The following ANAPC5 variants were observed in gnomAD, a reference collection of about 807,000 sequenced individuals.
ANAPC5 encodes anaphase promoting complex subunit 5, also known as anaphase-promoting complex subunit 5.
Under a neutral mutation model 91.3 loss-of-function variants are expected in ANAPC5, and 60 were observed. That is an observed-to-expected ratio of 0.66 (90% CI 0.53 to 0.81). The LOEUF (loss-of-function observed/expected upper bound fraction) is 0.81. ANAPC5 is among the 40% of genes least tolerant of loss of function. The pLI is 0.00. For synonymous variants in ANAPC5, 340 were observed against 364.1 expected (o/e 0.93, Z 0.75); for missense variants, 690 against 931.5 (o/e 0.74, Z 3.37).
In ANAPC5 at chr12:121,308,602, A is replaced by G. The variant is rs551450270; in HGVS notation, c.2146T>C (p.Phe716Leu). Residue 716 changes from phenylalanine (F) to leucine (L), a missense_variant, in exon 17 of 17, where the codon TTC becomes CTC. By Grantham distance (22) the Phe-to-Leu change is conservative (BLOSUM62 0). Around this residue, in one of 5 missense-constraint regions of ANAPC5, gnomAD observed 317 missense variants for 438.7 expected, o/e 0.72. Coordinates refer to ENST00000261819, the MANE Select transcript of ANAPC5 (RefSeq NM_016237.5). ...CKERIRDVVY[F>L]QARLYHTLGK... is the part of the protein sequence containing the mutation. Reference sequence around the variant, plus strand: ...AGGGTATGGTAGAGTCTGGCCTGGAAGTAAACGACGTCCCTGATGCGCTCT... The same window carrying G: ...AGGGTATGGTAGAGTCTGGCCTGGAGGTAAACGACGTCCCTGATGCGCTCT... 1.9e-6 allele frequency: 3 copies of G among 1,614,054 alleles called. No individual in the cohort carries two copies. Among genetic ancestry groups the G allele is most frequent in the Non-Finnish European group, 2.5e-6 (3 of 1,180,046 alleles).
At chr12:121,318,692 A>G in intron 13 of ANAPC5, 84 bp from the exon 14 acceptor site, 2 of 1,224,482 alleles carry the variant, frequency 1.6e-6, no homozygotes, top group Non-Finnish European at 1.2e-6. Context: ...TGCGCTATAA[A>G]CCTCCCAAGG....
chr12:121,344,842 T>C (rs989047869), intron 4 of ANAPC5, among the ~76,000 whole-genome samples: 1 of 152,158 alleles, frequency 6.6e-6, no homozygotes, highest in Non-Finnish European at 1.5e-5. Flanking sequence ...GGGAAGTTCA[T>C]TGGGCCAGGT....
chr12:121,334,315 A>G (rs1460234872), intron 7 of ANAPC5: 1 of 152,246 alleles, frequency 6.6e-6, no homozygotes, highest in Non-Finnish European at 1.5e-5. Flanking sequence ...ACCAGAGATA[A>G]AAAGAATTCC....
At chr12:121,330,906 A>G in intron 8 of ANAPC5, 1 of 465,716 alleles carries the variant, frequency 2.1e-6, no homozygotes, top group Non-Finnish European at 3.9e-6. Flanking sequence ...ACTGAGTGGC[A>G]GGTGTTTCAG....
chr12:121,350,033 T>C (rs1266247466), intron 1 of ANAPC5, among the ~76,000 whole-genome samples: 1 of 152,182 alleles, frequency 6.6e-6, no homozygotes, highest in East Asian at 1.9e-4. Context: ...TTTAGTATTA[T>C]AACTTTAATA....
intron 15 of ANAPC5, chr12:121,318,016 G>T (rs893855220): frequency 3.3e-6 from 1 of 307,518 alleles, no homozygotes; most frequent in Admixed American, 5.0e-5. Flanking sequence ...TTAATATGAT[G>T]CAGGTGTTCT....
chr12:121,318,814 C>G (rs886327125), intron 13 of ANAPC5, among the ~76,000 whole-genome samples: 1 of 151,966 alleles, frequency 6.6e-6, no homozygotes, highest in Non-Finnish European at 1.5e-5. Context: ...AGGTTAGGAG[C>G]TCGAGACCAG....
chr12:121,323,657 C>T (rs938933525), intron 11 of ANAPC5, among the ~76,000 whole-genome samples: 1 of 152,072 alleles, frequency 6.6e-6, no homozygotes, highest in African/African-American at 2.4e-5. Flanking sequence ...TTATTGATCC[C>T]GAAATACTTT....
At chr12:121,353,735 C>T (rs1555275765), upstream of ANAPC5, among the ~76,000 whole-genome samples, 1 of 152,016 alleles carries the variant, frequency 6.6e-6, no homozygotes, top group East Asian at 1.9e-4. Flanking sequence ...CCACCGCGCC[C>T]GGCCTGCCTT....
chr12:121,338,862 T>C (rs1555273781), intron 5 of ANAPC5, among the ~76,000 whole-genome samples: 1 of 152,006 alleles, frequency 6.6e-6, no homozygotes, highest in Non-Finnish European at 1.5e-5. Context: ...TGTAAACATA[T>C]ATTGTGTATA....
chr12:121,331,575 C>T (rs187763678), intron 7 of ANAPC5, 147 bp from the exon 8 acceptor site: 41 of 528,410 alleles, frequency 7.8e-5, no homozygotes, highest in African/African-American at 7.1e-4. Context: ...CTCTCAGAGG[C>T]GTGCCCCAAC....
chr12:121,332,497 G>A (rs1555273012), intron 7 of ANAPC5: 2 of 151,972 alleles, frequency 1.3e-5, no homozygotes, highest in African/African-American at 4.8e-5. Context: ...CTCTTATCCT[G>A]GTCTATCACT....
At chr12:121,333,950 C>T (rs568388029) in intron 7 of ANAPC5, 1 of 152,224 alleles carries the variant, frequency 6.6e-6, no homozygotes, top group African/African-American at 2.4e-5. Flanking sequence ...TCCCTCCCCA[C>T]ACAAGCTTCA....
chr12:121,353,626 G>A (rs1207196547), upstream of ANAPC5, among the ~76,000 whole-genome samples: 1 of 151,896 alleles, frequency 6.6e-6, no homozygotes, highest in African/African-American at 2.4e-5. Flanking sequence ...ATTTTTAGTA[G>A]AGACGGGGTG....
chr12:121,339,247 C>G (rs1213481542), intron 5 of ANAPC5, among the ~76,000 whole-genome samples: 1 of 151,974 alleles, frequency 6.6e-6, no homozygotes, highest in Non-Finnish European at 1.5e-5. Context: ...GACAGTGCTT[C>G]TCCATGTTGG....
At chr12:121,324,543 C>T (rs911425846) in intron 11 of ANAPC5, among the ~76,000 whole-genome samples, 1 of 151,794 alleles carries the variant, frequency 6.6e-6, no homozygotes, top group Non-Finnish European at 1.5e-5. Flanking sequence ...GTCTTACTCC[C>T]AGAAAAAAAA....
At chr12:121,330,146 GTTGAT>G (rs1902987325) in intron 9 of ANAPC5, among the ~76,000 whole-genome samples, 1 of 151,988 alleles carries the variant, frequency 6.6e-6, no homozygotes, top group African/African-American at 2.4e-5. Flanking sequence ...CTTCTCTGTT[GTTGAT>G]TTTTTTTTTC....
intron 9 of ANAPC5, 134 bp from the exon 10 acceptor site, chr12:121,328,631 T>A: frequency 1.2e-6 from 1 of 805,132 alleles, no homozygotes. Flanking sequence ...AAAGTACCTA[T>A]AACCTGGCCT....
intron 1 of ANAPC5, among the ~76,000 whole-genome samples, chr12:121,349,715 T>G (rs982329018): frequency 8.4e-6 from 1 of 118,636 alleles, no homozygotes; most frequent in Admixed American, 1.2e-4. Flanking sequence ...AGAATCACTG[T>G]TTCTATTTTT....
Sources: allele counts gnomAD v4.1 joint callset (sites outside exome capture counted in the v4.1 genomes callset), GRCh38; gene constraint gnomAD v4.1.1; regional missense constraint gnomAD v4.1.1; transcripts MANE v1.5; gene names NCBI Gene and HGNC (gene_info 2026-07-23, HGNC 2026-07-21).